Variants in WDR49 observed in about 807,000 individuals in gnomAD.
WDR49 encodes cilia- and flagella-associated protein 337.
In WDR49, 107 loss-of-function variants were observed where a neutral mutation model predicts 119.5. That is an observed-to-expected ratio of 0.90 (90% CI 0.77 to 1.05). The LOEUF (loss-of-function observed/expected upper bound fraction) is 1.05. Among genes scored for constraint, WDR49 ranks in the 50% least tolerant of loss-of-function variants. The probability of loss-of-function intolerance (pLI) is 0.00; values close to 1 mark genes in which losing one functional copy is unlikely to be tolerated. For synonymous variants in WDR49, 425 were observed against 418.8 expected (o/e 1.01, Z -0.18); for missense variants, 1,240 against 1,220.5 (o/e 1.02, Z -0.24).
At chr3:167,480,953 A>T (rs2108186079) in intron 18 of WDR49, among the ~76,000 whole-genome samples, 1 of 152,116 alleles carries the variant, frequency 6.6e-6, no homozygotes, top group South Asian at 2.1e-4. Context: ...CCTGTATCAC[A>T]CACATGAGTC....
intron 2 of WDR49, among the ~76,000 whole-genome samples, chr3:167,637,207 A>T (rs1717662785): frequency 6.6e-6 from 1 of 151,866 alleles, no homozygotes; most frequent in Non-Finnish European, 1.5e-5. Context: ...ATTCTCCTAC[A>T]TGTGGCTTGC....
intron 16 of WDR49, among the ~76,000 whole-genome samples, chr3:167,515,012 C>T (rs993300662): frequency 6.6e-6 from 1 of 151,874 alleles, no homozygotes; most frequent in Non-Finnish European, 1.5e-5. Context: ...ACCAAAAAAG[C>T]CAAGGACCAG....
At chr3:167,559,159 C>T (rs73029915) in intron 9 of WDR49, among the ~76,000 whole-genome samples, 8 of 152,076 alleles carry the variant, frequency 5.3e-5, no homozygotes, top group African/African-American at 1.4e-4. Flanking sequence ...TCCCTGAATA[C>T]CTAAACTTCT....
At chr3:167,490,354 T>A (rs562199393) in intron 18 of WDR49, among the ~76,000 whole-genome samples, 1 of 152,150 alleles carries the variant, frequency 6.6e-6, no homozygotes, top group African/African-American at 2.4e-5. Context: ...TAAATAAAAA[T>A]GTAGAGCAAT....
chr3:167,595,077 G>A (rs1715341392), intron 7 of WDR49, among the ~76,000 whole-genome samples: 1 of 150,444 alleles, frequency 6.6e-6, no homozygotes, highest in Non-Finnish European at 1.5e-5. Context: ...ACCAACAACA[G>A]ACAAACAGAG....
intron 16 of WDR49, among the ~76,000 whole-genome samples, chr3:167,521,989 GA>G (rs1752458654): frequency 2.2e-5 from 3 of 139,370 alleles, no homozygotes; most frequent in African/African-American, 7.9e-5. Context: ...TAGATAGATA[GA>G]TAGATAGATA....
rs753361983 is a variant in WDR49 at position 167,527,978 on chromosome 3, C to A, written c.2446G>T (p.Ala816Ser). ...TGGAATGATCTTATCAGAGTTGGGGCCTTGGTGATTTTGTTCTTACTGGAG... is the reference window on the plus strand; with the variant it reads ...TGGAATGATCTTATCAGAGTTGGGGACTTGGTGATTTTGTTCTTACTGGAG... The part of the protein sequence containing the change: ...LNSSKNKITK[A>S]PTLIRSFQPH... Residue 816 changes from alanine (A) to serine (S), a missense_variant, in exon 15 of 19, where the codon GCC (alanine) becomes TCC (serine). Coordinates refer to ENST00000682715, the MANE Select transcript of WDR49 (RefSeq NM_001366157.1). The A allele has an allele frequency of 1.3e-5, 21 of 1,612,760 alleles. No homozygotes were observed. Among genetic ancestry groups the A allele is most frequent in the Middle Eastern group, 1.6e-4 (1 of 6,070 alleles).
Position 167,653,245 on chromosome 3 carries a change from T to G in WDR49, c.165+16A>C, listed in dbSNP as rs754963989. 9 of 1,536,090 alleles carry G rather than the reference T, an allele frequency of 5.9e-6. No individual in the cohort carries two copies. The South Asian group carries it at 1.1e-4, about 18-fold the overall frequency. ...TGAACAACTCAAACTATCTGGTCAA[T>G]AAGCTTCACACTTACCTCAAAGGCC... On this transcript the variant is annotated intron_variant, in intron 2 of 18. Transcript: ENST00000682715.
chr3:167,653,449 GC>G lies in WDR49; in HGVS notation c.-25del. On this transcript the variant is annotated 5_prime_UTR_variant, in exon 2 of 19. Coordinates refer to ENST00000682715, the MANE Select transcript of WDR49 (RefSeq NM_001366157.1). ...ATAATGGCTTCACCTTTTCTCAGTT[GC>G]CTTCAACTATTTCTATAAGGATGGA... The G allele has an allele frequency of 6.8e-7, 1 of 1,463,622 alleles. No homozygotes were observed. The highest frequency in any genetic ancestry group is 1.4e-5 in the South Asian group (1 of 71,878). 90.7% of individuals were successfully genotyped at this position (1,463,622 alleles called of 1,614,324 possible). A position where few individuals can be genotyped will look rare whatever the true frequency, so the allele number is the denominator to read the frequency against.
intron 7 of WDR49, among the ~76,000 whole-genome samples, chr3:167,583,415 G>T (rs1021115563): frequency 6.6e-6 from 1 of 151,782 alleles, no homozygotes; most frequent in African/African-American, 2.4e-5. Flanking sequence ...ATAATTTTTG[G>T]CTAGCTGTGG....
chr3:167,522,918 G>A (rs1382979010), intron 15 of WDR49, among the ~76,000 whole-genome samples: 4 of 152,060 alleles, frequency 2.6e-5, no homozygotes, highest in African/African-American at 9.7e-5. Flanking sequence ...ATTAAATATT[G>A]TTTTCTAAAA....
At chr3:167,592,152 C>A (rs1019529987) in intron 7 of WDR49, among the ~76,000 whole-genome samples, 2 of 152,036 alleles carry the variant, frequency 1.3e-5, no homozygotes, top group African/African-American at 2.4e-5. Context: ...TAACACTATT[C>A]GTATAAACAA....
chr3:167,645,458 G>T (rs62278324), intron 2 of WDR49, among the ~76,000 whole-genome samples: 5 of 152,018 alleles, frequency 3.3e-5, no homozygotes, highest in Admixed American at 1.3e-4. Flanking sequence ...AGTTGTGCCC[G>T]CCTTGGCCTC....
intron 2 of WDR49, among the ~76,000 whole-genome samples, chr3:167,635,878 A>T (rs193271008): frequency 6.6e-6 from 1 of 151,776 alleles, no homozygotes; most frequent in African/African-American, 2.4e-5. Context: ...CCAGTTAGGT[A>T]TACGTATTTG....
intron 3 of WDR49, among the ~76,000 whole-genome samples, chr3:167,624,355 A>AAG (rs765561419): frequency 1.3e-5 from 2 of 149,772 alleles, no homozygotes; most frequent in Non-Finnish European, 3.0e-5. Context: ...TAAAAAAAAA[A>AAG]AGAAAAGAAA....
intron 5 of WDR49, 146 bp from the exon 6 acceptor site, chr3:167,604,614 C>A (rs368920602): frequency 9.3e-6 from 7 of 754,690 alleles, no homozygotes; most frequent in East Asian, 8.2e-5. Context: ...ACCTCACAAA[C>A]CCCTTCTCCC....
intron 5 of WDR49, 51 bp downstream of exon 5, chr3:167,620,378 T>G (rs972353438): frequency 1.4e-6 from 2 of 1,453,614 alleles, no homozygotes; most frequent in Non-Finnish European, 1.8e-6. Context: ...AGAATATAAA[T>G]GTACAAGTCA....
At chr3:167,515,577 C>G (rs1485587514) in intron 16 of WDR49, among the ~76,000 whole-genome samples, 7 of 152,136 alleles carry the variant, frequency 4.6e-5, no homozygotes, top group Admixed American at 4.6e-4. Context: ...AAAACCGGCA[C>G]AAGACAAAGA....
chr3:167,496,813 G>A (rs749108403), intron 18 of WDR49, among the ~76,000 whole-genome samples: 63 of 152,140 alleles, frequency 4.1e-4, no homozygotes, highest in Non-Finnish European at 8.8e-4. Flanking sequence ...ATCACAGAGT[G>A]TATATACAAT....
Sources: gnomAD v4.1 joint callset for allele counts (sites outside exome capture counted in the v4.1 genomes callset) on GRCh38, gnomAD v4.1.1 for gene constraint, MANE v1.5 for transcripts, NCBI Gene and HGNC (gene_info 2026-07-23, HGNC 2026-07-21) for gene names.